YWHAQ: variants seen among roughly 807,000 people sequenced by gnomAD.
The protein encoded by YWHAQ is 14-3-3 protein theta.
A neutral mutation model predicts 28.3 loss-of-function variants in YWHAQ; 6 were observed. That is an observed-to-expected ratio of 0.21 (90% confidence interval 0.12 to 0.42). YWHAQ has a LOEUF of 0.42. YWHAQ is among the 10% of genes least tolerant of loss of function. The pLI is 1.00. For synonymous variants in YWHAQ, 143 were observed against 119.1 expected (o/e 1.20, Z -1.31); for missense variants, 201 against 305.6 (o/e 0.66, Z 2.55).
intron 4 of YWHAQ, 53 bp downstream of exon 4, chr2:9,588,111 TG>T: frequency 6.8e-7 from 1 of 1,478,810 alleles, no homozygotes; most frequent in Admixed American, 2.6e-5. Flanking sequence ...TTAACATACC[TG>T]GTATCTCAAA....
At chr2:9,601,841 T>C (rs1468456988) in intron 2 of YWHAQ, among the ~76,000 whole-genome samples, 1 of 151,930 alleles carries the variant, frequency 6.6e-6, no homozygotes, top group African/African-American at 2.4e-5. Context: ...GCAGACGGGG[T>C]TTTGCTGTGT....
intron 2 of YWHAQ, among the ~76,000 whole-genome samples, chr2:9,608,426 G>T (rs1375349651): frequency 6.6e-6 from 1 of 152,128 alleles, no homozygotes; most frequent in Non-Finnish European, 1.5e-5. Context: ...GGGTTTTTGG[G>T]GGTGCAGTCT....
intron 2 of YWHAQ, among the ~76,000 whole-genome samples, chr2:9,625,190 A>G (rs1667225437): frequency 2.0e-5 from 3 of 151,130 alleles, no homozygotes; most frequent in African/African-American, 7.3e-5. Context: ...TAAACCCGGG[A>G]GACAGAGGTT....
intron 2 of YWHAQ, among the ~76,000 whole-genome samples, chr2:9,603,801 T>G (rs1275153538): frequency 6.6e-6 from 1 of 151,858 alleles, no homozygotes; most frequent in Non-Finnish European, 1.5e-5. Flanking sequence ...GGTGTACACC[T>G]GTAATCCCAG....
At chr2:9,601,331 G>A (rs563151217) in intron 2 of YWHAQ, among the ~76,000 whole-genome samples, 30 of 152,030 alleles carry the variant, frequency 2.0e-4, no homozygotes, top group East Asian at 3.9e-4. Flanking sequence ...GTGTGGTGGC[G>A]CACGCCTGTA....
In YWHAQ at chr2:9,630,695, C is replaced by A. The variant is rs922906347; in HGVS notation, c.-82-161G>T. On this transcript the variant is annotated intron_variant, in intron 1 of 5. Coordinates refer to ENST00000238081, the MANE Select transcript of YWHAQ (RefSeq NM_006826.4). This position sits in a 1 kb window ranked among gnomAD's most constrained non-coding sequence, Gnocchi z 5.6. ...CTGGGCACCCGGGGAGGCCGCGGCC[C>A]GCGGCTGGAGGAGGCGGGGGCGGCG... 4 of 263,642 alleles carry A rather than the reference C, an allele frequency of 1.5e-5. No individual in the cohort carries two copies. The highest frequency in any genetic ancestry group is 1.3e-4 in the South Asian group (1 of 7,448). The allele number at this position is 263,642 out of a possible 1,614,324, so 16.3% of individuals were successfully genotyped here.
At chr2:9,593,923 T>TATACACACACACACACAC (rs377495113) in intron 2 of YWHAQ, among the ~76,000 whole-genome samples, 1 of 135,152 alleles carries the variant, frequency 7.4e-6, no homozygotes, top group African/African-American at 2.9e-5. Context: ...TATATATATA[T>TATACACACACACACACAC]ACACACACAC....
chr2:9,596,361 C>T (rs1385242268), intron 2 of YWHAQ, among the ~76,000 whole-genome samples: 1 of 152,146 alleles, frequency 6.6e-6, no homozygotes, highest in Non-Finnish European at 1.5e-5. Flanking sequence ...TGGCAAAATT[C>T]TGTAACACTC....
At chr2:9,597,423 G>T (rs371506292) in intron 2 of YWHAQ, among the ~76,000 whole-genome samples, 1 of 152,020 alleles carries the variant, frequency 6.6e-6, no homozygotes, top group African/African-American at 2.4e-5. Flanking sequence ...CGGGGTGGGC[G>T]GATCACGAGG....
Position 9,590,720 on chromosome 2 carries a change from TA to T in YWHAQ, c.418+671del, listed in dbSNP as rs1056912665. Among the ~76,000 whole-genome samples the T allele has an allele frequency of 1.9e-3, 277 of 148,060 alleles. 1 individual carries two copies. Among genetic ancestry groups the T allele is most frequent in the African/African-American group, 5.4e-3 (219 of 40,504 alleles). ...CCATGTTTTCTATGATAGTCTAGGT[TA>T]AAAAAAAAAGGTATTTAATACTAAA... On this transcript the variant is annotated intron_variant, in intron 3 of 5. Transcript: ENST00000238081.
intron 2 of YWHAQ, chr2:9,628,964 G>A (rs1042734829): frequency 2.0e-5 from 3 of 147,162 alleles, no homozygotes; most frequent in Non-Finnish European, 4.5e-5. Context: ...AAAATAGATA[G>A]GTTAAAAAAG....
At chr2:9,622,610 A>G (rs1667165495) in intron 2 of YWHAQ, among the ~76,000 whole-genome samples, 1 of 152,182 alleles carries the variant, frequency 6.6e-6, no homozygotes, top group Non-Finnish European at 1.5e-5. Flanking sequence ...AAAAACTTAT[A>G]ATAGGGAATT....
At chr2:9,629,943 T>C (rs1667326554) in intron 2 of YWHAQ, among the ~76,000 whole-genome samples, 1 of 152,018 alleles carries the variant, frequency 6.6e-6, no homozygotes, top group African/African-American at 2.4e-5. Context: ...CTACCCAGCA[T>C]CTGGGGCGAA....
intron 2 of YWHAQ, among the ~76,000 whole-genome samples, chr2:9,627,067 T>G (rs1230547297): frequency 6.6e-6 from 1 of 152,238 alleles, no homozygotes; most frequent in Non-Finnish European, 1.5e-5. Context: ...CTTAGAGAGT[T>G]TGGTTCACTT....
chr2:9,615,986 A>T lies in YWHAQ; in HGVS notation c.294+14173T>A, dbSNP rs149106320. 5.3e-5 allele frequency among the ~76,000 whole-genome samples: 8 copies of T among 152,322 alleles called. No homozygotes were observed. In the East Asian group the frequency reaches 1.5e-3, roughly 29 times the overall value. On this transcript the variant is annotated intron_variant, in intron 2 of 5. Coordinates refer to ENST00000238081, the MANE Select transcript of YWHAQ (RefSeq NM_006826.4). ...GAATTGAAAAGTATTAACAAGCTAT[A>T]ATTTGTAACTATAGAACGTAATAGT...
At chr2:9,597,091 A>G (rs1010330875) in intron 2 of YWHAQ, among the ~76,000 whole-genome samples, 2 of 152,198 alleles carry the variant, frequency 1.3e-5, no homozygotes, top group African/African-American at 4.8e-5. Context: ...ACACCTTCTC[A>G]AGTGTCTGTC....
At chr2:9,611,439 T>C (rs1392596238) in intron 2 of YWHAQ, among the ~76,000 whole-genome samples, 1 of 152,244 alleles carries the variant, frequency 6.6e-6, no homozygotes, top group African/African-American at 2.4e-5. Context: ...CGCATGAGCT[T>C]GATCACTGTG....
chr2:9,626,553 C>G (rs1040543465), intron 2 of YWHAQ, among the ~76,000 whole-genome samples: 1 of 152,214 alleles, frequency 6.6e-6, no homozygotes, highest in African/African-American at 2.4e-5. Flanking sequence ...CTCGGCCTCC[C>G]GAGTAGCTGG....
intron 2 of YWHAQ, among the ~76,000 whole-genome samples, chr2:9,616,099 T>G (rs1667036474): frequency 6.6e-6 from 1 of 152,120 alleles, no homozygotes; most frequent in Admixed American, 6.5e-5. Context: ...GGAAACAAAA[T>G]ACAGCGCTGT....
Sources: gnomAD v4.1 joint callset for allele counts (sites outside exome capture counted in the v4.1 genomes callset) on GRCh38, gnomAD v4.1.1 for gene constraint, Gnocchi (gnomAD v3.1) non-coding constraint, MANE v1.5 for transcripts, NCBI Gene and HGNC (gene_info 2026-07-23, HGNC 2026-07-21) for gene names.